Variants in FNIP2 observed in about 807,000 individuals in gnomAD.
FNIP2 encodes the protein folliculin interacting protein 2, also known as folliculin-interacting protein 2.
FNIP2 carries 32 observed loss-of-function variants against 108.7 expected under a neutral mutation model. The observed-to-expected ratio is 0.29, with a 90% CI of 0.22 to 0.40. The LOEUF is 0.40. FNIP2 is among the 10% of genes least tolerant of loss of function. The probability of loss-of-function intolerance (pLI) is 1.00; values close to 1 mark genes in which losing one functional copy is unlikely to be tolerated. For missense variants in FNIP2, 1,202 were observed against 1,381.6 expected (o/e 0.87, Z 2.06); for synonymous variants, 480 against 496.7 (o/e 0.97, Z 0.45).
intron 1 of FNIP2, among the ~76,000 whole-genome samples, chr4:158,805,800 C>T (rs146085742): frequency 2.9e-3 from 435 of 152,334 alleles, no homozygotes; most frequent in African/African-American, 9.9e-3. Context: ...GGTCTTGTGA[C>T]CAATTAATTG....
At chr4:158,875,539 T>TATATATATATATATATATATGC (rs1474470268) in intron 14 of FNIP2, among the ~76,000 whole-genome samples, 29 of 144,182 alleles carry the variant, frequency 2.0e-4, no homozygotes, top group African/African-American at 7.9e-4. Flanking sequence ...TATATATATA[T>TATATATATATATATATATATGC]ATGCTCATGA....
chr4:158,781,797 C>T (rs938738878), intron 1 of FNIP2, among the ~76,000 whole-genome samples: 3 of 152,122 alleles, frequency 2.0e-5, no homozygotes, highest in East Asian at 3.9e-4. Context: ...GGATTACAGG[C>T]GGGAGCCACT....
At chr4:158,810,417 C>T (rs531599640) in intron 1 of FNIP2, among the ~76,000 whole-genome samples, 3 of 152,120 alleles carry the variant, frequency 2.0e-5, no homozygotes, top group Non-Finnish European at 4.4e-5. Context: ...TCCTGCATTC[C>T]TTCCCTTTTT....
In FNIP2 at chr4:158,869,014, A is replaced by G; in HGVS notation, c.2378A>G (p.Lys793Arg). The G allele has an allele frequency of 2.5e-6, 4 of 1,613,936 alleles. No individual in the cohort carries two copies. Among genetic ancestry groups the G allele is most frequent in the Non-Finnish European group, 2.5e-6 (3 of 1,179,880 alleles). ...LSEGDEGESD[K>R]GFAEDRGSRN... ...GAGGGGGATGAAGGCGAGTCTGACA[A>G]GGGTTTTGCAGAGGACAGAGGCAGC... Residue 793 changes from lysine (K) to arginine (R), a missense_variant, in exon 13 of 17, where the codon AAG becomes AGG. By Grantham distance (26) the Lys-to-Arg change is conservative. Coordinates refer to ENST00000264433, the MANE Select transcript of FNIP2 (RefSeq NM_020840.3).
At chr4:158,772,112 G>A (rs1354853363) in intron 1 of FNIP2, among the ~76,000 whole-genome samples, 1 of 152,166 alleles carries the variant, frequency 6.6e-6, no homozygotes, top group Non-Finnish European at 1.5e-5. Context: ...GAGGAAACAG[G>A]TTGCTAGGAA....
chr4:158,849,205 C>T (rs1048808676), intron 7 of FNIP2, among the ~76,000 whole-genome samples: 12 of 152,070 alleles, frequency 7.9e-5, no homozygotes, highest in Non-Finnish European at 4.4e-5. Context: ...GGTTTCATGG[C>T]GGGCTTTGGG....
intron 1 of FNIP2, among the ~76,000 whole-genome samples, chr4:158,771,329 A>T (rs1464636513): frequency 6.6e-6 from 1 of 152,208 alleles, no homozygotes; most frequent in Non-Finnish European, 1.5e-5. Context: ...AGACTGACAA[A>T]GGAGACCCCA....
intron 12 of FNIP2, among the ~76,000 whole-genome samples, chr4:158,867,813 T>C (rs1475257527): frequency 6.6e-6 from 1 of 152,212 alleles, no homozygotes; most frequent in Non-Finnish European, 1.5e-5. Context: ...TCTCATTGGC[T>C]GACCCACTGA....
At chr4:158,878,836 A>C (rs1375535338) in intron 14 of FNIP2, among the ~76,000 whole-genome samples, 1 of 152,198 alleles carries the variant, frequency 6.6e-6, no homozygotes, top group East Asian at 1.9e-4. Context: ...AGAGAGGATA[A>C]TGTGATAAAT....
At chr4:158,863,171 G>T (rs1489863724) in intron 12 of FNIP2, among the ~76,000 whole-genome samples, 1 of 152,224 alleles carries the variant, frequency 6.6e-6, no homozygotes, top group Non-Finnish European at 1.5e-5. Flanking sequence ...GGCCCTGGTC[G>T]GCGAAGGCCT....
chr4:158,792,388 T>G (rs1776449302), intron 1 of FNIP2, among the ~76,000 whole-genome samples: 2 of 151,482 alleles, frequency 1.3e-5, no homozygotes, highest in South Asian at 2.1e-4. Flanking sequence ...TTTTTTTTTT[T>G]GCTGCTTCTT....
intron 1 of FNIP2, among the ~76,000 whole-genome samples, chr4:158,798,177 A>G (rs1776650636): frequency 6.6e-6 from 1 of 151,920 alleles, no homozygotes; most frequent in Non-Finnish European, 1.5e-5. Flanking sequence ...TGATCCTCCC[A>G]CCGCAGCCTC....
intron 16 of FNIP2, among the ~76,000 whole-genome samples, chr4:158,903,196 T>A (rs971950600): frequency 6.6e-6 from 1 of 152,122 alleles, no homozygotes; most frequent in African/African-American, 2.4e-5. Context: ...AGTGCAGATA[T>A]TGAGTTCCTC....
intron 1 of FNIP2, among the ~76,000 whole-genome samples, chr4:158,822,874 C>G (rs1777960143): frequency 6.6e-6 from 1 of 152,172 alleles, no homozygotes; most frequent in South Asian, 2.1e-4. Context: ...CTTTTCCCCT[C>G]TGTGTCTTTT....
intron 7 of FNIP2, among the ~76,000 whole-genome samples, chr4:158,850,026 T>TA (rs1779613002): frequency 1.3e-5 from 2 of 152,212 alleles, no homozygotes; most frequent in Non-Finnish European, 2.9e-5. Flanking sequence ...GTCCACCACT[T>TA]ACCCCAGTTG....
chr4:158,817,652 T>C (rs1409655406), intron 1 of FNIP2, among the ~76,000 whole-genome samples: 2 of 152,234 alleles, frequency 1.3e-5, no homozygotes. Flanking sequence ...GTTTAAGCAA[T>C]TCTTGTGTCT....
At chr4:158,782,855 A>G (rs1776099912) in intron 1 of FNIP2, among the ~76,000 whole-genome samples, 1 of 152,178 alleles carries the variant, frequency 6.6e-6, no homozygotes, top group South Asian at 2.1e-4. Flanking sequence ...GGTGGGTGCT[A>G]GTTTAGATAA....
intron 3 of FNIP2, among the ~76,000 whole-genome samples, chr4:158,831,118 A>G (rs921201449): frequency 7.2e-5 from 11 of 152,226 alleles, no homozygotes; most frequent in Non-Finnish European, 1.5e-4. Flanking sequence ...AACAGCATCA[A>G]ATATATTGAG....
chr4:158,886,862 GT>G (rs1376028419), intron 14 of FNIP2, among the ~76,000 whole-genome samples: 2 of 152,152 alleles, frequency 1.3e-5, no homozygotes, highest in Non-Finnish European at 2.9e-5. Flanking sequence ...TTTAAAAAAG[GT>G]AACTATACAA....
Sources: allele counts gnomAD v4.1 joint callset (sites outside exome capture counted in the v4.1 genomes callset), GRCh38; gene constraint gnomAD v4.1.1; transcripts MANE v1.5; gene names NCBI Gene and HGNC (gene_info 2026-07-23, HGNC 2026-07-21).